ALMS1: variants seen among roughly 807,000 people sequenced by gnomAD.
ALMS1 encodes the protein ALMS1 centrosome and basal body associated protein.
In ALMS1, 271 loss-of-function variants were observed where a neutral mutation model predicts 352.2. The ratio of observed to expected loss-of-function variants is 0.77; its 90% CI spans 0.70 to 0.85. The LOEUF (loss-of-function observed/expected upper bound fraction) is 0.85. ALMS1 is among the 40% of genes least tolerant of loss of function. The pLI is 0.00. For synonymous variants in ALMS1, 1,865 were observed against 1,761.2 expected (o/e 1.06, Z -1.48); for missense variants, 5,445 against 4,870.7 (o/e 1.12, Z -3.51).
At position 73,398,514 on chromosome 2, in the gene ALMS1, A is replaced by G. The variant is rs555329274; in HGVS notation, c.325-10108A>G. Reference sequence around the variant, plus strand: ...TGGGATTTTGATTGGGATTGCGTTGATCTTAATAGATCAAGTTGGGAAGAA... The same window carrying G: ...TGGGATTTTGATTGGGATTGCGTTGGTCTTAATAGATCAAGTTGGGAAGAA... On this transcript the variant is annotated intron_variant, in intron 1 of 22. Coordinates refer to ENST00000613296, the MANE Select transcript of ALMS1 (RefSeq NM_001378454.1). Among the ~76,000 whole-genome samples, 9 of 152,304 alleles carry G rather than the reference A, an allele frequency of 5.9e-5. No homozygotes were observed. In the South Asian group the frequency reaches 1.9e-3, roughly 32 times the overall value.
chr2:73,515,962 T>TA (rs963399114), intron 10 of ALMS1, among the ~76,000 whole-genome samples: 3 of 152,142 alleles, frequency 2.0e-5, no homozygotes, highest in African/African-American at 7.2e-5. Context: ...GAGTCAGTAA[T>TA]AAAAAACTTC....
At chr2:73,581,411 G>T (rs1163348503) in intron 16 of ALMS1, among the ~76,000 whole-genome samples, 1 of 152,190 alleles carries the variant, frequency 6.6e-6, no homozygotes, top group Admixed American at 6.5e-5. Context: ...CTGTCTTTGG[G>T]AGCAGGTACC....
At chr2:73,511,120 G>C (rs1269725214) in intron 10 of ALMS1, among the ~76,000 whole-genome samples, 1 of 152,184 alleles carries the variant, frequency 6.6e-6, no homozygotes, top group Non-Finnish European at 1.5e-5. Context: ...TAGCTTGCTG[G>C]ACTCCTTGGG....
chr2:73,410,741 A>G (rs1167951548), intron 2 of ALMS1, among the ~76,000 whole-genome samples: 1 of 152,212 alleles, frequency 6.6e-6, no homozygotes, highest in Non-Finnish European at 1.5e-5. Flanking sequence ...TAAACTTTGA[A>G]GAAATGAAAC....
chr2:73,385,913 G>GGAGGAA lies in ALMS1; in HGVS notation c.50_51insAGAGGA (p.Glu27_Glu28dup), dbSNP rs1491245339. ...CATGGCCGGGCGAGCTGGAGGAGGA[G>GGAGGAA]GAGGAGGAGGAGGAGGAGGAGGAGG... is the stretch of plus-strand genomic sequence containing the variant. On this transcript the variant is annotated inframe_insertion, in exon 1 of 23. Transcript: ENST00000613296. The GGAGGAA allele has an allele frequency of 3.5e-5, 29 of 817,592 alleles. No individual in the cohort carries two copies. Among genetic ancestry groups the GGAGGAA allele is most frequent in the Non-Finnish European group, 5.0e-5 (25 of 502,546 alleles). The allele number at this position is 817,592 out of a possible 1,614,324, so 50.6% of individuals were successfully genotyped here. A position where few individuals can be genotyped will look rare whatever the true frequency, so the allele number is the denominator to read the frequency against.
intron 1 of ALMS1, among the ~76,000 whole-genome samples, chr2:73,397,521 G>A (rs1216032732): frequency 6.6e-6 from 1 of 152,066 alleles, no homozygotes; most frequent in Non-Finnish European, 1.5e-5. Flanking sequence ...AGGCTGGAAT[G>A]CAATGGCATT....
At chr2:73,432,620 A>AG (rs547119505) in intron 7 of ALMS1, among the ~76,000 whole-genome samples, 2 of 151,858 alleles carry the variant, frequency 1.3e-5, no homozygotes, top group Non-Finnish European at 2.9e-5. Context: ...TGGAAGGGGC[A>AG]GGGGGTCTCT....
intron 16 of ALMS1, among the ~76,000 whole-genome samples, chr2:73,598,516 G>A (rs1412579125): frequency 2.6e-5 from 4 of 152,090 alleles, no homozygotes; most frequent in Admixed American, 2.0e-4. Context: ...TCTGTTACAA[G>A]TTTCTTTGTG....
At position 73,590,594 on chromosome 2, in the gene ALMS1, T is replaced by C. The variant is rs191701414; in HGVS notation, c.11548-8807T>C. Among the ~76,000 whole-genome samples, 108 of 152,250 alleles carry C rather than the reference T, an allele frequency of 7.1e-4. 2 individuals are homozygous for C. In the East Asian group the frequency reaches 0.019, roughly 26 times the overall value. ...TTTGTGTATCCTTTGCCTGTTTTTCTCTGAAGGTTTTTTTCCTATTCATTT... is the reference window on the plus strand; with the variant it reads ...TTTGTGTATCCTTTGCCTGTTTTTCCCTGAAGGTTTTTTTCCTATTCATTT... On this transcript the variant is annotated intron_variant, in intron 16 of 22. Coordinates refer to ENST00000613296, the MANE Select transcript of ALMS1 (RefSeq NM_001378454.1).
chr2:73,489,159 A>T (rs1672920415), intron 9 of ALMS1, among the ~76,000 whole-genome samples: 1 of 152,156 alleles, frequency 6.6e-6, no homozygotes, highest in Non-Finnish European at 1.5e-5. Context: ...TATTGGGGGA[A>T]CATGCAGGTC....
Position 73,452,205 on chromosome 2 carries a change from C to A in ALMS1, c.5678C>A (p.Ser1893Tyr). The A allele has an allele frequency of 6.2e-7, 1 of 1,614,064 alleles. No individual in the cohort carries two copies. Among genetic ancestry groups the A allele is most frequent in the South Asian group, 1.1e-5 (1 of 91,076 alleles). ...AAGACTGGGATACAAATAGCATCCT[C>A]TAGTTCCTACTCAAATAGAGAGAAG... ...DQKTGIQIAS[S>Y]SSYSNREKAS... Residue 1893 changes from serine (S) to tyrosine (Y), a missense_variant, in exon 8 of 23, where the codon TCT becomes TAT. Transcript: ENST00000613296.
intron 10 of ALMS1, among the ~76,000 whole-genome samples, chr2:73,518,491 T>C (rs1673605290): frequency 6.6e-6 from 1 of 152,184 alleles, no homozygotes; most frequent in African/African-American, 2.4e-5. Context: ...CAGCAATGGA[T>C]TGCTGAGTCA....
At chr2:73,603,516 C>T (rs1382255637) in intron 21 of ALMS1, 8 of 556,026 alleles carry the variant, frequency 1.4e-5, no homozygotes, top group African/African-American at 7.7e-5. Context: ...AAACTTCTCA[C>T]TAATTTGCAT....
Position 73,474,371 on chromosome 2 carries a change from C to CTGTGTGTGTGTGTGTGTGTG in ALMS1, c.7675-15243_7675-15224dup, listed in dbSNP as rs377039331. On this transcript the variant is annotated intron_variant, in intron 9 of 22. Transcript: ENST00000613296. Reference sequence around the variant, plus strand: ...TTTTACTTTTTAGTGCTTGTTGACTCTGTGTGTGTGTGTGTGTGTGTGTGT... The same window carrying CTGTGTGTGTGTGTGTGTGTG: ...TTTTACTTTTTAGTGCTTGTTGACTCTGTGTGTGTGTGTGTGTGTGTGTGTGTGTGTGTGTGTGTGTGTGT... Among the ~76,000 whole-genome samples, 3 of 95,470 alleles carry CTGTGTGTGTGTGTGTGTGTG rather than the reference C, an allele frequency of 3.1e-5. No homozygotes were observed. The Admixed American group carries it at 3.5e-4, about 11-fold the overall frequency. The allele number at this position is 95,470 out of a possible 152,430, so 62.6% of individuals were successfully genotyped here.
At position 73,529,960 on chromosome 2, in the gene ALMS1, G is replaced by T. The variant is rs555328494; in HGVS notation, c.9782-4864G>T. ...TCACAACAACAGCATGAGAGAAACT[G>T]CCCCCATGATCCAATCACCTCCCAC... On this transcript the variant is annotated intron_variant, in intron 11 of 22. Coordinates refer to ENST00000613296, the MANE Select transcript of ALMS1 (RefSeq NM_001378454.1). Among the ~76,000 whole-genome samples the T allele has an allele frequency of 2.8e-4, 42 of 152,114 alleles. 1 individual carries two copies. The highest frequency in any genetic ancestry group is 2.6e-3 in the Admixed American group (39 of 15,276).
intron 9 of ALMS1, among the ~76,000 whole-genome samples, chr2:73,476,004 T>C (rs1220467780): frequency 2.0e-5 from 3 of 152,032 alleles, no homozygotes; most frequent in Admixed American, 2.0e-4. Context: ...GCTTTTTAAA[T>C]CTTGTAATAC....
At chr2:73,550,504 T>C (rs1370871814) in intron 13 of ALMS1, 67 bp downstream of exon 13, 2 of 1,574,514 alleles carry the variant, frequency 1.3e-6, no homozygotes, top group Non-Finnish European at 1.7e-6. Flanking sequence ...GAGATTACTA[T>C]CCAATCTTTA....
intron 9 of ALMS1, among the ~76,000 whole-genome samples, chr2:73,488,209 G>A (rs1672897064): frequency 6.6e-6 from 1 of 152,148 alleles, no homozygotes; most frequent in South Asian, 2.1e-4. Flanking sequence ...GCGCCTGCAG[G>A]CCCACTCTGA....
At chr2:73,386,878 C>T (rs987564151) in intron 1 of ALMS1, among the ~76,000 whole-genome samples, 1 of 152,180 alleles carries the variant, frequency 6.6e-6, no homozygotes, top group Admixed American at 6.6e-5. Context: ...GCCCTTACCC[C>T]CCTTTTTTTA....
Sources: gnomAD v4.1 joint callset for allele counts (sites outside exome capture counted in the v4.1 genomes callset) on GRCh38, gnomAD v4.1.1 for gene constraint, MANE v1.5 for transcripts, NCBI Gene and HGNC (gene_info 2026-07-23, HGNC 2026-07-21) for gene names.